Variants in GALK2 observed in about 807,000 individuals in gnomAD.
The protein encoded by GALK2 is galactokinase 2.
Under a neutral mutation model 52.4 loss-of-function variants are expected in GALK2, and 36 were observed. The observed-to-expected ratio is 0.69, with a 90% CI of 0.53 to 0.91. The LOEUF is 0.91. GALK2 is among the 40% of genes least tolerant of loss of function. GALK2 has a pLI of 0.00. For synonymous variants in GALK2, 176 were observed against 199.1 expected (o/e 0.88, Z 0.98); for missense variants, 579 against 559.1 (o/e 1.04, Z -0.36).
At chr15:49,260,130 G>C (rs1252889557) in intron 5 of GALK2, among the ~76,000 whole-genome samples, 1 of 152,068 alleles carries the variant, frequency 6.6e-6, no homozygotes, top group East Asian at 1.9e-4. Context: ...GGTATTTCTA[G>C]TTCTAGATCC....
intron 8 of GALK2, among the ~76,000 whole-genome samples, chr15:49,311,227 A>G (rs1284248733): frequency 6.6e-6 from 1 of 152,216 alleles, no homozygotes; most frequent in East Asian, 1.9e-4. Context: ...GTTGTGTTAT[A>G]TGCAGTATTT....
chr15:49,252,207 A>G (rs1363088489), intron 5 of GALK2, among the ~76,000 whole-genome samples: 1 of 152,172 alleles, frequency 6.6e-6, no homozygotes, highest in Non-Finnish European at 1.5e-5. Flanking sequence ...CAGAGGTTGC[A>G]GTGAGGCGAG....
At chr15:49,348,019 CAAAAAAAA>C (rs67614443) in intron 3 of GALK2, among the ~76,000 whole-genome samples, 2 of 70,100 alleles carry the variant, frequency 2.9e-5, no homozygotes, top group African/African-American at 1.1e-4. Flanking sequence ...AACTCTGTCT[CAAAAAAAA>C]AAAAAAAAAA....
At chr15:49,211,224 C>G (rs1194747264) in intron 2 of GALK2, among the ~76,000 whole-genome samples, 1 of 152,176 alleles carries the variant, frequency 6.6e-6, no homozygotes, top group Non-Finnish European at 1.5e-5. Flanking sequence ...CCACAGGTCC[C>G]CAGAGCAGGG....
intron 8 of GALK2, among the ~76,000 whole-genome samples, chr15:49,311,369 A>T (rs1231663847): frequency 6.6e-6 from 1 of 152,248 alleles, no homozygotes; most frequent in Non-Finnish European, 1.5e-5. Flanking sequence ...CATGACATAC[A>T]AAGTCCTCAT....
At chr15:49,229,537 C>G (rs146693251) in intron 3 of GALK2, among the ~76,000 whole-genome samples, 2 of 152,126 alleles carry the variant, frequency 1.3e-5, no homozygotes, top group Non-Finnish European at 2.9e-5. Context: ...ATCTTTAGGT[C>G]TCTGGGAGAG....
At chr15:49,252,763 G>A (rs920065790) in intron 5 of GALK2, among the ~76,000 whole-genome samples, 4 of 113,404 alleles carry the variant, frequency 3.5e-5, no homozygotes, top group Admixed American at 8.8e-5. Context: ...TGCCCAATCC[G>A]GAAAGATTTT....
At chr15:49,160,253 C>T (rs1019416179) in intron 1 of GALK2, among the ~76,000 whole-genome samples, 17 of 151,128 alleles carry the variant, frequency 1.1e-4, no homozygotes, top group Non-Finnish European at 5.9e-5. Flanking sequence ...CCAGCCTGGG[C>T]GACAGAGTGA....
At chr15:49,193,621 G>A (rs1291098501) in intron 1 of GALK2, among the ~76,000 whole-genome samples, 1 of 151,856 alleles carries the variant, frequency 6.6e-6, no homozygotes, top group African/African-American at 2.4e-5. Context: ...TTAGACTCCT[G>A]ATCCATTTGG....
intron 2 of GALK2, among the ~76,000 whole-genome samples, chr15:49,209,517 A>G (rs2088628034): frequency 6.6e-6 from 1 of 152,114 alleles, no homozygotes; most frequent in African/African-American, 2.4e-5. Flanking sequence ...TTCTGTACCT[A>G]GTATGTTAAG....
Position 49,283,551 on chromosome 15 carries a change from T to A in GALK2, c.604-15T>A. On this transcript the variant is annotated splice_polypyrimidine_tract_variant and intron_variant, in intron 6 of 9. Transcript: ENST00000560031. ...CTAATAAATTATATTTCTCCTTTCA[T>A]TTTTCTTCTAACAGGCCAAGTTGAT... 1 of 1,592,906 alleles carries A rather than the reference T, an allele frequency of 6.3e-7. No homozygotes were observed. The highest frequency in any genetic ancestry group is 8.6e-7 in the Non-Finnish European group (1 of 1,165,612).
intron 3 of GALK2, among the ~76,000 whole-genome samples, chr15:49,337,957 A>G (rs2040046672): frequency 1.3e-5 from 2 of 152,324 alleles, no homozygotes; most frequent in African/African-American, 2.4e-5. Flanking sequence ...CACTGCCGCA[A>G]TAAACATACG....
chr15:49,306,265 A>G (rs1450109240), intron 8 of GALK2, among the ~76,000 whole-genome samples: 1 of 152,068 alleles, frequency 6.6e-6, no homozygotes, highest in Non-Finnish European at 1.5e-5. Flanking sequence ...ATACTTGCTT[A>G]AACTGTTGAC....
At chr15:49,252,059 A>G (rs2091625926) in intron 5 of GALK2, among the ~76,000 whole-genome samples, 1 of 152,130 alleles carries the variant, frequency 6.6e-6, no homozygotes, top group Admixed American at 6.6e-5. Flanking sequence ...TGAGGTCAGG[A>G]GTTTGAGACC....
intron 3 of GALK2, 50 bp downstream of exon 3, chr15:49,217,363 C>G: frequency 6.4e-7 from 1 of 1,574,076 alleles, no homozygotes; most frequent in Non-Finnish European, 8.7e-7. Context: ...TCTGTTTGTA[C>G]CCAAATGAAC....
chr15:49,261,958 G>A (rs1337609471), intron 5 of GALK2, among the ~76,000 whole-genome samples: 1 of 152,156 alleles, frequency 6.6e-6, no homozygotes, highest in Non-Finnish European at 1.5e-5. Context: ...TGTGCTGCTG[G>A]ATTCAGTTTG....
At chr15:49,157,371 A>G (rs2084494675) in intron 1 of GALK2, among the ~76,000 whole-genome samples, 1 of 152,230 alleles carries the variant, frequency 6.6e-6, no homozygotes, top group African/African-American at 2.4e-5. Flanking sequence ...AAGAATCAAT[A>G]AAATCTAATT....
chr15:49,171,777 AT>A (rs775994942), intron 1 of GALK2, among the ~76,000 whole-genome samples: 15 of 91,564 alleles, frequency 1.6e-4, no homozygotes, highest in East Asian at 7.9e-4. Context: ...GTTTAGTCTT[AT>A]TTTTTTTTTT....
intron 1 of GALK2, among the ~76,000 whole-genome samples, chr15:49,186,518 C>G (rs1449868132): frequency 6.7e-6 from 1 of 148,564 alleles, no homozygotes; most frequent in Admixed American, 6.7e-5. Flanking sequence ...TGAATTTTTT[C>G]TCTGTATTGT....
Sources: allele counts gnomAD v4.1 joint callset (sites outside exome capture counted in the v4.1 genomes callset), GRCh38; gene constraint gnomAD v4.1.1; transcripts MANE v1.5; gene names NCBI Gene and HGNC (gene_info 2026-07-23, HGNC 2026-07-21).